Variants in TRAK2 observed in about 807,000 individuals in gnomAD.
TRAK2 encodes trafficking kinesin-binding protein 2.
A neutral mutation model predicts 104.6 loss-of-function variants in TRAK2; 81 were observed. The ratio of observed to expected loss-of-function variants is 0.77; its 90% confidence interval spans 0.65 to 0.93. TRAK2 has a LOEUF of 0.93. Ranked by LOEUF, TRAK2 falls within the 40% of genes least tolerant of loss-of-function variation. The pLI is 0.00. For missense variants in TRAK2, 1,002 were observed against 1,089.0 expected (o/e 0.92, Z 1.12); for synonymous variants, 406 against 394.4 (o/e 1.03, Z -0.35).
rs1951732465 is a variant in TRAK2 at position 201,420,636 on chromosome 2, T to C, written c.-129A>G. The C allele has an allele frequency of 2.8e-6, 2 of 719,004 alleles. No homozygotes were observed. The highest frequency in any genetic ancestry group is 4.7e-6 in the Non-Finnish European group (2 of 421,060). The allele number at this position is 719,004 out of a possible 1,614,324, so 44.5% of individuals were successfully genotyped here. The stretch of plus-strand genomic sequence containing the variant: ...GATATTTTCTTTTAGACAGATTTTC[T>C]CTGATGAGTCAAATGACATCCGTAG... On this transcript the variant is annotated 5_prime_UTR_variant, in exon 2 of 16. Coordinates refer to ENST00000332624, the MANE Select transcript of TRAK2 (RefSeq NM_015049.3).
intron 3 of TRAK2, among the ~76,000 whole-genome samples, chr2:201,403,193 G>GA (rs1951564324): frequency 6.6e-6 from 1 of 152,110 alleles, no homozygotes; most frequent in South Asian, 2.1e-4. Context: ...GAGGAAAAAT[G>GA]AAAAAATATT....
rs375922327 is a variant in TRAK2, at chr2:201,381,916, G to A, written c.2070-698C>T. Among the ~76,000 whole-genome samples the A allele has an allele frequency of 3.3e-5, 5 of 152,082 alleles. No homozygotes were observed. In the South Asian group the frequency reaches 6.2e-4, roughly 19 times the overall value. ...GAAATTAAAAATAACTAATAGCTTC[G>A]ACAACTATTCAGTAATACTTCTTCA... On this transcript the variant is annotated intron_variant, in intron 15 of 15. Coordinates refer to ENST00000332624, the MANE Select transcript of TRAK2 (RefSeq NM_015049.3).
At chr2:201,419,191 A>G (rs1951718867) in intron 2 of TRAK2, 1 of 152,340 alleles carries the variant, frequency 6.6e-6, no homozygotes, top group African/African-American at 2.4e-5. Flanking sequence ...AATGGCTAAA[A>G]TCAAAATCAC....
At chr2:201,436,388 G>A (rs13389028) in intron 1 of TRAK2, among the ~76,000 whole-genome samples, 1,875 of 152,204 alleles carry the variant, frequency 0.012, 56 homozygotes, top group African/African-American at 0.043. Context: ...AAATTTAGGC[G>A]CTAGTTTCAA....
chr2:201,417,484 CAAAG>C (rs770714641), intron 2 of TRAK2, among the ~76,000 whole-genome samples: 1 of 151,966 alleles, frequency 6.6e-6, no homozygotes, highest in Non-Finnish European at 1.5e-5. Flanking sequence ...CACTAATAGA[CAAAG>C]GAAGAAAAAC....
rs1050581149 is a variant in TRAK2 at position 201,380,012 on chromosome 2, T to C, written c.*531A>G. The C allele has an allele frequency of 6.4e-6, 1 of 156,324 alleles. No homozygotes were observed. The highest frequency in any genetic ancestry group is 1.4e-5 in the Non-Finnish European group (1 of 70,392). The allele number at this position is 156,324 out of a possible 1,614,324, so 9.7% of individuals were successfully genotyped here. A position where few individuals can be genotyped will look rare whatever the true frequency, so the allele number is the denominator to read the frequency against. Reference sequence around the variant, plus strand: ...TTTTGCTAATGCTGCGAGCATACCATTTGATGGATACATAATTTAACCAGA... The same window carrying C: ...TTTTGCTAATGCTGCGAGCATACCACTTGATGGATACATAATTTAACCAGA... On this transcript the variant is annotated 3_prime_UTR_variant, in exon 16 of 16. Coordinates refer to ENST00000332624, the MANE Select transcript of TRAK2 (RefSeq NM_015049.3).
chr2:201,417,241 C>CAAAAAAAAAAAAAAAAAAAAAAAAGAAA (rs61702415), intron 2 of TRAK2, among the ~76,000 whole-genome samples: 2 of 88,430 alleles, frequency 2.3e-5, no homozygotes, highest in Non-Finnish European at 4.3e-5. Flanking sequence ...GAAGACATTG[C>CAAAAAAAAAAAAAAAAAAAAAAAAGAAA]AAAAAAAAAA....
chr2:201,437,747 C>T (rs530102280), intron 1 of TRAK2, among the ~76,000 whole-genome samples: 37 of 152,152 alleles, frequency 2.4e-4, no homozygotes, highest in Non-Finnish European at 5.1e-4. Context: ...AGTCTTAACC[C>T]TCTCTACTCT....
rs552164789 is a variant in TRAK2, at chr2:201,435,587, T to TA, written c.-199-14882dup. Among the ~76,000 whole-genome samples, 278 of 152,340 alleles carry TA rather than the reference T, an allele frequency of 1.8e-3. 1 individual carries two copies. Among genetic ancestry groups the TA allele is most frequent in the African/African-American group, 6.0e-3 (251 of 41,578 alleles). On this transcript the variant is annotated intron_variant, in intron 1 of 15. Coordinates refer to ENST00000332624, the MANE Select transcript of TRAK2 (RefSeq NM_015049.3). Reference sequence around the variant, plus strand: ...ATGCATTATTTAAATATTTGAAAGTTAGATTAATGGAGAAATTAAGTGTTA... The same window carrying TA: ...ATGCATTATTTAAATATTTGAAAGTTAAGATTAATGGAGAAATTAAGTGTTA...
chr2:201,381,358 G>T, intron 15 of TRAK2, 140 bp from the exon 16 acceptor site: 1 of 745,022 alleles, frequency 1.3e-6, no homozygotes, highest in Non-Finnish European at 2.1e-6. Flanking sequence ...ACTGTATGCT[G>T]TGGAACAGAT....
intron 1 of TRAK2, among the ~76,000 whole-genome samples, chr2:201,450,885 A>C (rs1475325750): frequency 3.3e-5 from 5 of 152,128 alleles, no homozygotes; most frequent in Admixed American, 6.5e-5. Flanking sequence ...TTTCTTTTTC[A>C]AGATATGTGG....
chr2:201,404,176 A>G (rs1388280628), intron 3 of TRAK2, among the ~76,000 whole-genome samples: 2 of 152,180 alleles, frequency 1.3e-5, no homozygotes, highest in African/African-American at 4.8e-5. Context: ...AAAACCACAG[A>G]CTAGTTCTTC....
chr2:201,430,963 C>A (rs1252511698), intron 1 of TRAK2, among the ~76,000 whole-genome samples: 1 of 152,210 alleles, frequency 6.6e-6, no homozygotes, highest in African/African-American at 2.4e-5. Context: ...GAACCCCTCC[C>A]TGTCTAGTAT....
rs1403106813 is a variant in TRAK2, at chr2:201,377,574, A to G, written c.*2969T>C. ...AGATAACAAGCTTTGAGTACTGTGTAAAATTATACCCTTTATAGGGAATAG... is the reference window on the plus strand; with the variant it reads ...AGATAACAAGCTTTGAGTACTGTGTGAAATTATACCCTTTATAGGGAATAG... On this transcript the variant is annotated 3_prime_UTR_variant, in exon 16 of 16. Transcript: ENST00000332624. 1 of 152,632 alleles carries G rather than the reference A, an allele frequency of 6.6e-6. No homozygotes were observed. Among genetic ancestry groups the G allele is most frequent in the Non-Finnish European group, 1.5e-5 (1 of 68,034 alleles). 9.5% of individuals were successfully genotyped at this position (152,632 alleles called of 1,614,324 possible).
chr2:201,432,891 T>G (rs1460309176), intron 1 of TRAK2, among the ~76,000 whole-genome samples: 1 of 152,196 alleles, frequency 6.6e-6, no homozygotes, highest in Non-Finnish European at 1.5e-5. Flanking sequence ...GGGGATTAAT[T>G]TGAAACACAT....
chr2:201,423,619 A>T (rs1040416841), intron 1 of TRAK2: 7 of 152,334 alleles, frequency 4.6e-5, no homozygotes, highest in East Asian at 3.9e-4. Flanking sequence ...AAATTTTTTT[A>T]AAAATTTGAT....
chr2:201,386,357 T>A lies in TRAK2; in HGVS notation c.1824A>T (p.Ser608=). The change falls in exon 14 of 16, where the codon TCA becomes TCT. Residue 608 remains serine (S), a synonymous_variant. Coordinates refer to ENST00000332624, the MANE Select transcript of TRAK2 (RefSeq NM_015049.3). Reference sequence around the variant, plus strand: ...CCTCCTCTTCATCCTCTTCTAAATCTGAGATGTGATAAATAGCATCCCCGG... The same window carrying A: ...CCTCCTCTTCATCCTCTTCTAAATCAGAGATGTGATAAATAGCATCCCCGG... ...QLPGDAIYHI[S]DLEEDEEEGI... is the part of the protein sequence containing the mutation. 6.2e-7 allele frequency: 1 copy of A among 1,614,170 alleles called. No individual in the cohort carries two copies. Among genetic ancestry groups the A allele is most frequent in the South Asian group, 1.1e-5 (1 of 91,086 alleles).
intron 1 of TRAK2, among the ~76,000 whole-genome samples, chr2:201,439,061 C>T (rs573913530): frequency 1.3e-5 from 2 of 152,224 alleles, no homozygotes; most frequent in South Asian, 4.1e-4. Context: ...TTAAGTCTAC[C>T]TCTATCTTAG....
At chr2:201,443,935 T>G (rs1381187381) in intron 1 of TRAK2, among the ~76,000 whole-genome samples, 1 of 152,160 alleles carries the variant, frequency 6.6e-6, no homozygotes, top group Non-Finnish European at 1.5e-5. Context: ...CCGCAGTGGC[T>G]CACGCCTGTA....
Sources: gnomAD v4.1 joint callset for allele counts (sites outside exome capture counted in the v4.1 genomes callset) on GRCh38, gnomAD v4.1.1 for gene constraint, MANE v1.5 for transcripts, NCBI Gene and HGNC (gene_info 2026-07-23, HGNC 2026-07-21) for gene names.